Variants in MCC observed in about 807,000 individuals in gnomAD.
The protein encoded by MCC is colorectal mutant cancer protein.
MCC carries 90 observed loss-of-function variants against 116.2 expected under a neutral mutation model. The ratio of observed to expected loss-of-function variants is 0.77; its 90% CI spans 0.65 to 0.92. MCC has a LOEUF of 0.92. MCC is among the 40% of genes least tolerant of loss of function. MCC has a pLI of 0.00. For missense variants in MCC, 1,516 were observed against 1,312.2 expected, an observed-to-expected ratio of 1.16 and a Z score of -2.40; for synonymous variants, 578 against 510.5, an observed-to-expected ratio of 1.13 and a Z score of -1.78.
At chr5:113,175,645 C>G (rs1326792080) in intron 3 of MCC, among the ~76,000 whole-genome samples, 3 of 151,986 alleles carry the variant, frequency 2.0e-5, no homozygotes, top group Admixed American at 2.0e-4. Flanking sequence ...AGGAACCTAT[C>G]TAGGAGGTCG....
intron 1 of MCC, among the ~76,000 whole-genome samples, chr5:113,479,021 T>C (rs1287232457): frequency 1.3e-5 from 2 of 152,236 alleles, no homozygotes; most frequent in African/African-American, 2.4e-5. Flanking sequence ...TTCACTTGTA[T>C]GTGAATGTTC....
chr5:113,166,025 T>C (rs1190644686), intron 3 of MCC, among the ~76,000 whole-genome samples: 1 of 152,176 alleles, frequency 6.6e-6, no homozygotes, highest in Non-Finnish European at 1.5e-5. Flanking sequence ...AAGCCCAGCC[T>C]AATCATTACT....
intron 3 of MCC, among the ~76,000 whole-genome samples, chr5:113,325,128 C>G (rs1767520977): frequency 6.6e-6 from 1 of 152,176 alleles, no homozygotes; most frequent in African/African-American, 2.4e-5. Context: ...GCATGAGCCA[C>G]TGCTTCCAGC....
chr5:113,122,958 G>A, intron 5 of MCC, 132 bp from the exon 6 acceptor site: 9 of 910,624 alleles, frequency 9.9e-6, no homozygotes, highest in Non-Finnish European at 1.5e-5. Context: ...CAGGGACCAG[G>A]ATTTCTCCCA....
intron 3 of MCC, among the ~76,000 whole-genome samples, chr5:113,315,704 C>T (rs1297903079): frequency 3.1e-5 from 2 of 64,470 alleles, no homozygotes; most frequent in Non-Finnish European, 6.1e-5. Flanking sequence ...CCCATCTCTA[C>T]AAAAAAAAAA....
chr5:113,444,409 C>A (rs1771146381), intron 1 of MCC, among the ~76,000 whole-genome samples: 1 of 152,094 alleles, frequency 6.6e-6, no homozygotes, highest in Admixed American at 6.6e-5. Flanking sequence ...CTAAATGGAT[C>A]CTCCTTAGAT....
intron 11 of MCC, among the ~76,000 whole-genome samples, chr5:113,078,012 G>A (rs905238460): frequency 6.6e-4 from 100 of 152,306 alleles, no homozygotes; most frequent in African/African-American, 2.2e-3. Context: ...TACCATCAGA[G>A]AATACCATAA....
At chr5:113,409,276 T>C (rs1043366255) in intron 1 of MCC, among the ~76,000 whole-genome samples, 5 of 152,304 alleles carry the variant, frequency 3.3e-5, no homozygotes, top group Admixed American at 3.3e-4. Context: ...TTAACATAAA[T>C]TGAAGTCTTA....
intron 8 of MCC, among the ~76,000 whole-genome samples, chr5:113,085,794 G>T (rs1043902099): frequency 7.9e-5 from 12 of 151,980 alleles, no homozygotes; most frequent in African/African-American, 2.9e-4. Flanking sequence ...TGGGCTCAAG[G>T]GATCCTCCTG....
At chr5:113,248,327 A>G (rs1357782025) in intron 3 of MCC, among the ~76,000 whole-genome samples, 3 of 152,170 alleles carry the variant, frequency 2.0e-5, no homozygotes, top group Admixed American at 6.5e-5. Flanking sequence ...CCAAGGAATC[A>G]AAGTAACAGA....
intron 5 of MCC, among the ~76,000 whole-genome samples, chr5:113,140,213 G>A (rs1434710706): frequency 1.3e-5 from 2 of 152,194 alleles, no homozygotes; most frequent in Non-Finnish European, 1.5e-5. Flanking sequence ...AAAGATGAAT[G>A]AAGTAGGAAT....
At chr5:113,124,727 A>G (rs1312709702) in intron 5 of MCC, among the ~76,000 whole-genome samples, 1 of 152,226 alleles carries the variant, frequency 6.6e-6, no homozygotes, top group Non-Finnish European at 1.5e-5. Context: ...GGAGAACCAT[A>G]CCACATTAAG....
At chr5:113,331,466 T>C (rs1456025148) in intron 3 of MCC, among the ~76,000 whole-genome samples, 3 of 151,810 alleles carry the variant, frequency 2.0e-5, no homozygotes, top group South Asian at 4.1e-4. Context: ...ACAGTCTTGG[T>C]TCTACTACTT....
In MCC at chr5:113,023,816, GAT is replaced by G. The variant is rs1170647175; in HGVS notation, c.*3484_*3485del. The G allele has an allele frequency of 1.3e-5, 2 of 152,024 alleles. No homozygotes were observed. Among genetic ancestry groups the G allele is most frequent in the Non-Finnish European group, 2.9e-5 (2 of 68,024 alleles). 9.4% of individuals were successfully genotyped at this position (152,024 alleles called of 1,614,324 possible). A position where few individuals can be genotyped will look rare whatever the true frequency, so the allele number is the denominator to read the frequency against. ...CTCTTGAGAGCTATTAAGGTTGACT[GAT>G]AGACTTAAAAAGTGATTGCTTTATA... On this transcript the variant is annotated 3_prime_UTR_variant, in exon 19 of 19. Transcript: ENST00000408903.
intron 3 of MCC, among the ~76,000 whole-genome samples, chr5:113,338,480 G>C (rs760113912): frequency 1.3e-5 from 2 of 152,258 alleles, no homozygotes; most frequent in East Asian, 3.9e-4. Context: ...GGGAACCACA[G>C]AGTCATACAG....
At chr5:113,099,937 G>A (rs1031433785) in intron 8 of MCC, among the ~76,000 whole-genome samples, 1 of 152,192 alleles carries the variant, frequency 6.6e-6, no homozygotes, top group African/African-American at 2.4e-5. Flanking sequence ...TACCTAATTA[G>A]GACATCAGTG....
chr5:113,323,793 G>T (rs1327828081), intron 3 of MCC, among the ~76,000 whole-genome samples: 3 of 152,214 alleles, frequency 2.0e-5, no homozygotes, highest in African/African-American at 7.2e-5. Flanking sequence ...GGCTGAAGCA[G>T]GAGGATCACT....
At chr5:113,059,844 G>T (rs1192126217) in intron 14 of MCC, among the ~76,000 whole-genome samples, 1 of 152,134 alleles carries the variant, frequency 6.6e-6, no homozygotes, top group Non-Finnish European at 1.5e-5. Flanking sequence ...GGTTCGGGCC[G>T]ACCCACTCTC....
chr5:113,157,341 T>C (rs769528596), intron 3 of MCC, among the ~76,000 whole-genome samples: 1 of 152,166 alleles, frequency 6.6e-6, no homozygotes, highest in Non-Finnish European at 1.5e-5. Context: ...TGAAACACAG[T>C]TGGTAAAAAG....
Sources: allele counts gnomAD v4.1 joint callset (sites outside exome capture counted in the v4.1 genomes callset), GRCh38; gene constraint gnomAD v4.1.1; transcripts MANE v1.5; gene names NCBI Gene and HGNC (gene_info 2026-07-23, HGNC 2026-07-21).